Variants in PDE4D observed in about 807,000 individuals in gnomAD.
PDE4D encodes phosphodiesterase 4D.
In PDE4D, 24 loss-of-function variants were observed where a neutral mutation model predicts 87.4. The ratio of observed to expected loss-of-function variants is 0.27; its 90% CI spans 0.20 to 0.39. PDE4D has a LOEUF of 0.39. Among genes scored for constraint, PDE4D ranks in the 10% least tolerant of loss-of-function variants. The pLI is 1.00. For missense variants in PDE4D, 714 were observed against 1,041.0 expected (o/e 0.69, Z 4.32); for synonymous variants, 384 against 383.2 (o/e 1.00, Z -0.02).
chr5:59,919,930 A>G (rs1473583244), intron 3 of PDE4D, among the ~76,000 whole-genome samples: 2 of 152,226 alleles, frequency 1.3e-5, no homozygotes, highest in Admixed American at 6.5e-5. Context: ...GAGGCATATT[A>G]TATATCTATT....
At chr5:59,930,027 G>T (rs979396657) in intron 3 of PDE4D, among the ~76,000 whole-genome samples, 2 of 151,862 alleles carry the variant, frequency 1.3e-5, no homozygotes, top group African/African-American at 4.8e-5. Context: ...TTAAAAATCG[G>T]CCCCATCGCC....
At chr5:59,286,594 C>T (rs1280564232) in intron 1 of PDE4D, among the ~76,000 whole-genome samples, 1 of 152,108 alleles carries the variant, frequency 6.6e-6, no homozygotes, top group Non-Finnish European at 1.5e-5. Context: ...AAAAGTTAGT[C>T]ACTGTTTTTA....
chr5:59,454,250 T>A (rs1417939737), intron 1 of PDE4D, among the ~76,000 whole-genome samples: 2 of 152,230 alleles, frequency 1.3e-5, no homozygotes, highest in Non-Finnish European at 2.9e-5. Flanking sequence ...TTTGGCTGTG[T>A]CGCCACCCAA....
intron 6 of PDE4D, among the ~76,000 whole-genome samples, chr5:58,996,149 G>A (rs997606748): frequency 6.6e-6 from 1 of 152,240 alleles, no homozygotes; most frequent in South Asian, 2.1e-4. Context: ...CGGGTAGGGA[G>A]GGGAAGGACA....
Position 59,253,815 on chromosome 5 carries a change from AC to A in PDE4D, c.456-37848del, listed in dbSNP as rs754723854. On this transcript the variant is annotated intron_variant, in intron 1 of 14. Coordinates refer to ENST00000340635, the MANE Select transcript of PDE4D (RefSeq NM_001104631.2). ...AGCTGGAAATCAAGCCCTCTATGGC[AC>A]CCTAGAAGGAATCATCACTCAGTGA... Among the ~76,000 whole-genome samples the A allele has an allele frequency of 3.3e-5, 5 of 152,208 alleles. No individual in the cohort carries two copies. The East Asian group carries it at 9.7e-4, about 29-fold the overall frequency.
At chr5:60,516,163 T>C (rs1033245334) in intron 1 of PDE4D, among the ~76,000 whole-genome samples, 4 of 152,222 alleles carry the variant, frequency 2.6e-5, no homozygotes, top group African/African-American at 9.6e-5. Context: ...AGATTCATAA[T>C]CAATATATCA....
At chr5:60,322,417 A>C (rs575301857) in intron 1 of PDE4D, among the ~76,000 whole-genome samples, 18 of 125,830 alleles carry the variant, frequency 1.4e-4, no homozygotes, top group African/African-American at 4.0e-4. Context: ...CACACACACA[A>C]AACCCTAACA....
At chr5:59,368,877 C>T (rs1783507939) in intron 1 of PDE4D, among the ~76,000 whole-genome samples, 1 of 152,156 alleles carries the variant, frequency 6.6e-6, no homozygotes, top group African/African-American at 2.4e-5. Context: ...TGCTTAGAAC[C>T]CTGAGCTAGG....
chr5:59,043,593 A>G (rs1760071478), intron 5 of PDE4D, among the ~76,000 whole-genome samples: 1 of 152,164 alleles, frequency 6.6e-6, no homozygotes, highest in African/African-American at 2.4e-5. Context: ...TCTAGGGTAC[A>G]TGTGCACAAT....
chr5:59,596,992 A>C (rs1171964944), intron 1 of PDE4D, among the ~76,000 whole-genome samples: 1 of 152,160 alleles, frequency 6.6e-6, no homozygotes, highest in East Asian at 1.9e-4. Flanking sequence ...AGACAAAAAG[A>C]AATCGGTGAT....
At chr5:59,274,747 CAT>C (rs1561861183) in intron 1 of PDE4D, among the ~76,000 whole-genome samples, 1 of 152,008 alleles carries the variant, frequency 6.6e-6, no homozygotes, top group Non-Finnish European at 1.5e-5. Context: ...TTGAAACTGA[CAT>C]ATTTTTTCAT....
chr5:59,056,745 C>T (rs1762436819), intron 5 of PDE4D, among the ~76,000 whole-genome samples: 1 of 152,094 alleles, frequency 6.6e-6, no homozygotes, highest in African/African-American at 2.4e-5. Context: ...TGATGGCTTC[C>T]AGCTTCATTC....
intron 1 of PDE4D, among the ~76,000 whole-genome samples, chr5:59,834,028 G>A (rs904779827): frequency 6.6e-6 from 1 of 152,004 alleles, no homozygotes; most frequent in Admixed American, 6.6e-5. Flanking sequence ...ACAAAGTTCA[G>A]CATCAAAATG....
chr5:59,598,464 G>A (rs1827017630), intron 1 of PDE4D, among the ~76,000 whole-genome samples: 1 of 152,120 alleles, frequency 6.6e-6, no homozygotes, highest in Non-Finnish European at 1.5e-5. Context: ...TTTTCAAAAT[G>A]AAAATGCTAC....
intron 2 of PDE4D, among the ~76,000 whole-genome samples, chr5:60,000,080 G>T (rs1223857826): frequency 6.6e-6 from 1 of 151,842 alleles, no homozygotes; most frequent in Non-Finnish European, 1.5e-5. Context: ...GAAAGACTAA[G>T]AAACATATGG....
chr5:60,469,577 A>G (rs561784978), intron 1 of PDE4D, among the ~76,000 whole-genome samples: 3 of 152,322 alleles, frequency 2.0e-5, no homozygotes, highest in Admixed American at 2.0e-4. Flanking sequence ...ACCCTGGTTG[A>G]GCAAGTCTAT....
At chr5:59,946,990 T>A (rs1217866874) in intron 3 of PDE4D, among the ~76,000 whole-genome samples, 1 of 152,226 alleles carries the variant, frequency 6.6e-6, no homozygotes, top group Non-Finnish European at 1.5e-5. Context: ...TGTTTTTATA[T>A]AACTGAGTTT....
At chr5:59,954,215 C>T (rs1287966605) in intron 3 of PDE4D, among the ~76,000 whole-genome samples, 6 of 152,350 alleles carry the variant, frequency 3.9e-5, no homozygotes, top group African/African-American at 1.4e-4. Flanking sequence ...TGAGCCACCA[C>T]ACCTGGCCTG....
At chr5:60,048,036 C>A (rs1372920489) in intron 2 of PDE4D, among the ~76,000 whole-genome samples, 13 of 152,184 alleles carry the variant, frequency 8.5e-5, no homozygotes, top group Admixed American at 3.3e-4. Flanking sequence ...TTGCTTTATG[C>A]ATCTGGGTGC....
Sources: allele counts gnomAD v4.1 joint callset (sites outside exome capture counted in the v4.1 genomes callset), GRCh38; gene constraint gnomAD v4.1.1; transcripts MANE v1.5; gene names NCBI Gene and HGNC (gene_info 2026-07-23, HGNC 2026-07-21).